MPHOSPH6: variants seen among roughly 807,000 people sequenced by gnomAD.
MPHOSPH6 encodes the protein M-phase phosphoprotein 6.
A neutral mutation model predicts 21.8 loss-of-function variants in MPHOSPH6; 25 were observed. That is an observed-to-expected ratio of 1.15 (90% CI 0.83 to 1.60). The LOEUF is 1.60. MPHOSPH6 is among the 40% of genes most tolerant of loss of function. MPHOSPH6 has a pLI of 0.00. For synonymous variants in MPHOSPH6, 84 were observed against 56.5 expected (o/e 1.49, Z -2.18); for missense variants, 269 against 181.8 (o/e 1.48, Z -2.76).
chr16:82,162,925 T>C (rs1440741533), intron 2 of MPHOSPH6, among the ~76,000 whole-genome samples: 1 of 151,838 alleles, frequency 6.6e-6, no homozygotes, highest in Non-Finnish European at 1.5e-5. Flanking sequence ...AAGGAACACT[T>C]TGGCAAGTTT....
chr16:82,156,547 A>C (rs376908091), intron 2 of MPHOSPH6, among the ~76,000 whole-genome samples: 2 of 152,246 alleles, frequency 1.3e-5, no homozygotes, highest in African/African-American at 2.4e-5. Flanking sequence ...TGTCATCAGG[A>C]AAATGCAAAT....
intron 2 of MPHOSPH6, among the ~76,000 whole-genome samples, chr16:82,161,026 C>T (rs1167256888): frequency 3.9e-5 from 6 of 152,186 alleles, no homozygotes. Context: ...TTTCTCCTGG[C>T]TTATTACTCT....
At chr16:82,155,063 A>C (rs1906387326) in intron 2 of MPHOSPH6, among the ~76,000 whole-genome samples, 1 of 152,258 alleles carries the variant, frequency 6.6e-6, no homozygotes, top group African/African-American at 2.4e-5. Context: ...TGATATTCAA[A>C]AGTCAATAGT....
At chr16:82,162,742 C>T (rs1169972031) in intron 2 of MPHOSPH6, among the ~76,000 whole-genome samples, 1 of 152,226 alleles carries the variant, frequency 6.6e-6, no homozygotes, top group East Asian at 1.9e-4. Flanking sequence ...TGCCAACATC[C>T]TGAGCTGATA....
Position 82,151,555 on chromosome 16 carries a change from G to C in MPHOSPH6, c.165-41C>G, listed in dbSNP as rs1440748259. The C allele has an allele frequency of 2.0e-6, 3 of 1,527,592 alleles. No homozygotes were observed. In the East Asian group the frequency reaches 6.9e-5, roughly 35 times the overall value. The allele number at this position is 1,527,592 out of a possible 1,614,324, so 94.6% of individuals were successfully genotyped here. A position where few individuals can be genotyped will look rare whatever the true frequency, so the allele number is the denominator to read the frequency against. On this transcript the variant is annotated intron_variant, in intron 2 of 4. Coordinates refer to ENST00000258169, the MANE Select transcript of MPHOSPH6 (RefSeq NM_005792.2). ...AAAATAGCATTTCTCCATATATAAA[G>C]CACAGCAAACAAAAGCCAACACTTT...
chr16:82,168,382 T>C (rs1008402869), intron 1 of MPHOSPH6, among the ~76,000 whole-genome samples: 8 of 152,286 alleles, frequency 5.3e-5, no homozygotes, highest in South Asian at 2.1e-4. Context: ...ATGCTGCAAT[T>C]TGTCCTCCAC....
intron 2 of MPHOSPH6, 140 bp from the exon 3 acceptor site, chr16:82,151,654 TTAAAA>T: frequency 8.0e-7 from 1 of 1,253,798 alleles, no homozygotes; most frequent in Non-Finnish European, 1.0e-6. Flanking sequence ...TAACTTAGGG[TTAAAA>T]ATAAAATCTG....
In MPHOSPH6 at chr16:82,161,289, A is replaced by G. The variant is rs146316290; in HGVS notation, c.164+2793T>C. 7.7e-3 allele frequency among the ~76,000 whole-genome samples: 1,171 copies of G among 152,294 alleles called. 11 individuals are homozygous for G. Among genetic ancestry groups the G allele is most frequent in the Non-Finnish European group, 9.1e-3 (620 of 68,014 alleles). On this transcript the variant is annotated intron_variant, in intron 2 of 4. Transcript: ENST00000258169. ...GGCTATTGTCCCTCCCCTACATCTC[A>G]GACCCAGAAGGTTCCTATCTTCCAC...
At chr16:82,155,920 G>C (rs959734771) in intron 2 of MPHOSPH6, among the ~76,000 whole-genome samples, 3 of 149,498 alleles carry the variant, frequency 2.0e-5, no homozygotes, top group Non-Finnish European at 4.4e-5. Context: ...AAAAAAAAAA[G>C]TTAATAGGAT....
rs778625945 is a variant in MPHOSPH6 at position 82,148,837 on chromosome 16, C to A, written c.377G>T (p.Gly126Val). ...GTCTCTCTTTCTGGCAAACTTTTTC[C>A]CAATTGTCCCCACCAAGGTCTCATA... ...RRYETLVGTI[G>V]KKFARKRDHA... The change falls in exon 5 of 5, where the codon GGG (glycine) becomes GTG (valine). Residue 126 changes from glycine to valine, a missense_variant. Physicochemically the swap from Gly to Val is moderately radical, Grantham distance 109. Transcript: ENST00000258169. 1 of 1,614,044 alleles carries A rather than the reference C, an allele frequency of 6.2e-7. No individual in the cohort carries two copies. Among genetic ancestry groups the A allele is most frequent in the Non-Finnish European group, 8.5e-7 (1 of 1,179,998 alleles).
intron 2 of MPHOSPH6, among the ~76,000 whole-genome samples, chr16:82,159,071 T>A (rs1278342351): frequency 1.3e-5 from 2 of 152,246 alleles, no homozygotes; most frequent in Admixed American, 6.5e-5. Flanking sequence ...ACCAAAGAAT[T>A]ATCTGAAAAG....
At chr16:82,164,575 T>C (rs1165209955) in intron 1 of MPHOSPH6, 1 of 172,100 alleles carries the variant, frequency 5.8e-6, no homozygotes, top group Non-Finnish European at 1.2e-5. Context: ...TAGGTAAAGC[T>C]ACTAGACTTC....
In MPHOSPH6 at chr16:82,151,508, G is replaced by C; in HGVS notation, c.171C>G (p.Phe57Leu). Residue 57 changes from phenylalanine to leucine, a missense_variant, in exon 3 of 5, where the codon TTC becomes TTG. Phe to Leu is a conservative substitution (Grantham distance 22, BLOSUM62 0). Coordinates refer to ENST00000258169, the MANE Select transcript of MPHOSPH6 (RefSeq NM_005792.2). ...GTAAGAAACTCTGCTCTTCTATTAT[G>C]AAACTCCTAAATGGGAAAATAAAAA... ...DLPELKEKES[F>L]IIEEQSFLLC... 6.3e-7 allele frequency: 1 copy of C among 1,583,002 alleles called. No homozygotes were observed. The highest frequency in any genetic ancestry group is 1.2e-5 in the South Asian group (1 of 84,414).
At chr16:82,153,983 C>A (rs184085706) in intron 2 of MPHOSPH6, among the ~76,000 whole-genome samples, 162 of 152,186 alleles carry the variant, frequency 1.1e-3, no homozygotes, top group Middle Eastern at 3.4e-3. Flanking sequence ...CCAGATAATC[C>A]AGGATAATCT....
chr16:82,157,037 C>T (rs1405302490), intron 2 of MPHOSPH6, among the ~76,000 whole-genome samples: 2 of 151,304 alleles, frequency 1.3e-5, no homozygotes, highest in East Asian at 1.9e-4. Context: ...GGCAACAGAG[C>T]GAGACTCCAT....
At chr16:82,165,894 G>T (rs984987766) in intron 1 of MPHOSPH6, among the ~76,000 whole-genome samples, 1 of 152,210 alleles carries the variant, frequency 6.6e-6, no homozygotes, top group East Asian at 1.9e-4. Context: ...AGTAACACAT[G>T]ATGGTGATAA....
In MPHOSPH6 at chr16:82,149,348, GT is replaced by G; in HGVS notation, c.310del (p.Thr104GlnfsTer2). The G allele has an allele frequency of 6.2e-7, 1 of 1,613,274 alleles. No individual in the cohort carries two copies. Among genetic ancestry groups the G allele is most frequent in the Non-Finnish European group, 8.5e-7 (1 of 1,180,028 alleles). Reference protein sequence around the residue: ...KHKAEEVEDETVELDVSDEEM... With the variant: ...KHKAEEVEDEXVELDVSDEEM... ...TTCATCTGACACATCAAGCTCTACT[GT>G]TTCATCTTCAACTTCTTCTGCTTTG... On this transcript the variant is annotated frameshift_variant, in exon 4 of 5. Coordinates refer to ENST00000258169, the MANE Select transcript of MPHOSPH6 (RefSeq NM_005792.2). LOFTEE classifies it high-confidence loss of function.
chr16:82,160,450 C>A (rs28533383), intron 2 of MPHOSPH6, among the ~76,000 whole-genome samples: 2,829 of 152,312 alleles, frequency 0.019, 103 homozygotes, highest in African/African-American at 0.064. Flanking sequence ...GAGTGAGGCA[C>A]TAACTGCCCG....
intron 1 of MPHOSPH6, chr16:82,167,487 CTTTG>C (rs58606647): frequency 0.65 from 98,470 of 151,812 alleles, 33,989 homozygotes; most frequent in East Asian, 0.78. Context: ...TTATTGTGCA[CTTTG>C]TTTCTATTAT....
Sources: allele counts gnomAD v4.1 joint callset (sites outside exome capture counted in the v4.1 genomes callset), GRCh38; gene constraint gnomAD v4.1.1; transcripts MANE v1.5; gene names NCBI Gene and HGNC (gene_info 2026-07-23, HGNC 2026-07-21).